The following ROBO2 variants were observed in gnomAD, a reference collection of about 807,000 sequenced individuals.
ROBO2 encodes roundabout guidance receptor 2.
Under a neutral mutation model 160.8 loss-of-function variants are expected in ROBO2, and 53 were observed. That is an observed-to-expected ratio of 0.33 (90% CI 0.26 to 0.41). The LOEUF is 0.41. Among genes scored for constraint, ROBO2 ranks in the 10% least tolerant of loss-of-function variants. The probability of loss-of-function intolerance (pLI) is 1.00; values close to 1 mark genes in which losing one functional copy is unlikely to be tolerated. For synonymous variants in ROBO2, 664 were observed against 611.7 expected (o/e 1.09, Z -1.26); for missense variants, 1,577 against 1,722.4 (o/e 0.92, Z 1.49).
chr3:75,984,084 T>C (rs1391950790), intron 2 of ROBO2, among the ~76,000 whole-genome samples: 1 of 151,442 alleles, frequency 6.6e-6, no homozygotes, highest in Non-Finnish European at 1.5e-5. Flanking sequence ...CCACTGCAAC[T>C]GGAAGTTGGA....
intron 2 of ROBO2, among the ~76,000 whole-genome samples, chr3:77,435,899 A>G (rs980658250): frequency 1.3e-5 from 2 of 151,206 alleles, no homozygotes; most frequent in Non-Finnish European, 3.0e-5. Flanking sequence ...CATAATGTAA[A>G]TGTTTTATGA....
At chr3:76,423,680 A>G (rs567275234) in intron 2 of ROBO2, among the ~76,000 whole-genome samples, 1 of 152,284 alleles carries the variant, frequency 6.6e-6, no homozygotes, top group Non-Finnish European at 1.5e-5. Context: ...GCAAGGTATA[A>G]TCTTAGGGAG....
chr3:77,255,072 G>A (rs1168212513), intron 2 of ROBO2, among the ~76,000 whole-genome samples: 3 of 152,146 alleles, frequency 2.0e-5, no homozygotes. Flanking sequence ...CAAAGATATA[G>A]GAAAGTAAAT....
intron 2 of ROBO2, among the ~76,000 whole-genome samples, chr3:76,567,654 C>CTATATATATATATATATATATAT (rs2084646364): frequency 2.4e-5 from 1 of 41,638 alleles, no homozygotes; most frequent in Non-Finnish European, 4.4e-5. Flanking sequence ...TATATATATA[C>CTATATATATATATATATATATAT]ACATACACAT....
chr3:76,184,793 T>G (rs1264243145), intron 2 of ROBO2, among the ~76,000 whole-genome samples: 1 of 152,066 alleles, frequency 6.6e-6, no homozygotes, highest in Non-Finnish European at 1.5e-5. Context: ...GACACTGGTG[T>G]GTAAGTTCTG....
intron 2 of ROBO2, among the ~76,000 whole-genome samples, chr3:76,726,006 G>A (rs1410558781): frequency 1.3e-5 from 2 of 152,186 alleles, no homozygotes; most frequent in East Asian, 1.9e-4. Flanking sequence ...GTGTGTTCAA[G>A]ATTGGGTCCC....
chr3:76,940,795 G>A (rs1437426045), intron 2 of ROBO2, among the ~76,000 whole-genome samples: 1 of 152,178 alleles, frequency 6.6e-6, no homozygotes. Context: ...TATCACATAA[G>A]TATGTACAAT....
chr3:76,481,019 T>G (rs899315192), intron 2 of ROBO2, among the ~76,000 whole-genome samples: 11 of 152,208 alleles, frequency 7.2e-5, no homozygotes, highest in Non-Finnish European at 1.6e-4. Flanking sequence ...CCAATTCATT[T>G]TGTTCAGTGC....
At chr3:76,666,331 T>G (rs1367868902) in intron 2 of ROBO2, among the ~76,000 whole-genome samples, 1 of 152,082 alleles carries the variant, frequency 6.6e-6, no homozygotes, top group Non-Finnish European at 1.5e-5. Flanking sequence ...GACCAACTTT[T>G]AAGCAGGCAA....
At chr3:76,741,158 T>C (rs948083954) in intron 2 of ROBO2, among the ~76,000 whole-genome samples, 1 of 152,060 alleles carries the variant, frequency 6.6e-6, no homozygotes, top group Non-Finnish European at 1.5e-5. Context: ...TACAGAAACA[T>C]CTGAAACATA....
intron 6 of ROBO2, among the ~76,000 whole-genome samples, chr3:77,539,442 C>T (rs2092351387): frequency 1.3e-5 from 2 of 151,906 alleles, no homozygotes; most frequent in Admixed American, 1.3e-4. Context: ...AGTTTTTTTT[C>T]AAATCACATA....
intron 2 of ROBO2, among the ~76,000 whole-genome samples, chr3:76,001,687 G>T (rs1290915606): frequency 3.3e-5 from 5 of 151,914 alleles, no homozygotes; most frequent in Non-Finnish European, 7.4e-5. Flanking sequence ...ACAGGCATTT[G>T]CCACCATGCC....
chr3:77,282,797 G>A (rs185702234), intron 2 of ROBO2, among the ~76,000 whole-genome samples: 2 of 151,424 alleles, frequency 1.3e-5, no homozygotes, highest in African/African-American at 2.4e-5. Flanking sequence ...AAAAATTGGG[G>A]GTCTAATCAA....
chr3:77,473,119 C>G (rs912737269), intron 2 of ROBO2, among the ~76,000 whole-genome samples: 2 of 151,964 alleles, frequency 1.3e-5, no homozygotes, highest in East Asian at 1.9e-4. Flanking sequence ...CTTGAGGATG[C>G]GGTGTCTGAT....
chr3:77,012,939 T>C (rs975138376), intron 2 of ROBO2, among the ~76,000 whole-genome samples: 2 of 152,212 alleles, frequency 1.3e-5, no homozygotes, highest in Non-Finnish European at 2.9e-5. Context: ...CCAATTACAT[T>C]TCACTGTATG....
intron 2 of ROBO2, among the ~76,000 whole-genome samples, chr3:76,402,111 G>A (rs746887210): frequency 6.6e-6 from 1 of 151,558 alleles, no homozygotes; most frequent in African/African-American, 2.4e-5. Flanking sequence ...GTCTTCATAT[G>A]TGCTGAGAAC....
In ROBO2 at chr3:76,752,351, G is replaced by A. The variant is rs151306632; in HGVS notation, c.110-345663G>A. Among the ~76,000 whole-genome samples, 58 of 151,646 alleles carry A rather than the reference G, an allele frequency of 3.8e-4. No individual in the cohort carries two copies. In the East Asian group the frequency reaches 0.011, roughly 28 times the overall value. ...ATACCTAATGTTAAATGACGAGTTA[G>A]TGGGTGCAGCACACCAACATGGCAC... On this transcript the variant is annotated intron_variant, in intron 2 of 26. Coordinates refer to the ROBO2 transcript ENST00000487694.
chr3:77,489,009 A>G (rs781360645), intron 4 of ROBO2, among the ~76,000 whole-genome samples: 2 of 152,224 alleles, frequency 1.3e-5, no homozygotes, highest in Non-Finnish European at 2.9e-5. Flanking sequence ...AGGTCAGTTT[A>G]GTATAATTAA....
chr3:76,657,239 C>A (rs2091575508), intron 2 of ROBO2, among the ~76,000 whole-genome samples: 1 of 150,962 alleles, frequency 6.6e-6, no homozygotes, highest in African/African-American at 2.4e-5. Context: ...TCCTGGCTAA[C>A]ACGGTGAAAC....
Sources: allele counts gnomAD v4.1 joint callset (sites outside exome capture counted in the v4.1 genomes callset), GRCh38; gene constraint gnomAD v4.1.1; transcripts MANE v1.5; gene names NCBI Gene and HGNC (gene_info 2026-07-23, HGNC 2026-07-21).